SP110: variants seen among roughly 807,000 people sequenced by gnomAD.
SP110 encodes SP110 nuclear body protein.
In SP110, 62 loss-of-function variants were observed where a neutral mutation model predicts 92.7. The ratio of observed to expected loss-of-function variants is 0.67; its 90% CI spans 0.55 to 0.83. SP110 has a LOEUF of 0.83. Ranked by LOEUF, SP110 falls within the 40% of genes least tolerant of loss-of-function variation. SP110 has a pLI of 0.00. For synonymous variants in SP110, 273 were observed against 305.3 expected (o/e 0.89, Z 1.10); for missense variants, 793 against 863.9 (o/e 0.92, Z 1.03).
chr2:230,218,373 G>A (rs1234704313), intron 1 of SP110, among the ~76,000 whole-genome samples: 3 of 152,076 alleles, frequency 2.0e-5, no homozygotes, highest in East Asian at 3.8e-4. Flanking sequence ...ATCCGCAATC[G>A]CATAGGAAAA....
chr2:230,178,318 TC>T, intron 12 of SP110, 63 bp from the exon 13 acceptor site: 1 of 937,110 alleles, frequency 1.1e-6, no homozygotes. Context: ...TTTTGAATTC[TC>T]CCCTCCATGA....
At position 230,166,440 on chromosome 2, in the gene SP110, G is replaced by A. The variant is rs2078311814; in HGVS notation, c.*2684C>T. ...TTTTACAAGTTATTTTACCGAGGTA[G>A]GATAACCGTAAATCTGACTATGACA... is the stretch of plus-strand genomic sequence containing the variant. On this transcript the variant is annotated 3_prime_UTR_variant, in exon 19 of 19. Coordinates refer to ENST00000258381, the MANE Select transcript of SP110 (RefSeq NM_080424.4). Among the ~76,000 whole-genome samples the A allele has an allele frequency of 6.6e-6, 1 of 152,138 alleles. No individual in the cohort carries two copies. Among genetic ancestry groups the A allele is most frequent in the African/African-American group, 2.4e-5 (1 of 41,410 alleles).
chr2:230,206,055 G>A (rs1041267053), intron 8 of SP110, among the ~76,000 whole-genome samples: 11 of 152,220 alleles, frequency 7.2e-5, no homozygotes, highest in South Asian at 6.2e-4. Context: ...TTCTTAGAAT[G>A]GAATCATTTC....
At chr2:230,202,905 G>A (rs914655204) in intron 8 of SP110, 177 bp from the exon 9 acceptor site, 13 of 650,766 alleles carry the variant, frequency 2.0e-5, no homozygotes, top group Non-Finnish European at 3.3e-5. Flanking sequence ...CTTCTTATGT[G>A]TACCTTTCTT....
At chr2:230,175,003 C>T (rs909547984) in intron 14 of SP110, among the ~76,000 whole-genome samples, 1 of 151,982 alleles carries the variant, frequency 6.6e-6, no homozygotes, top group Admixed American at 6.6e-5. Context: ...GAGGGTATTA[C>T]CATGTTGGGG....
chr2:230,198,763 T>G (rs2042992187), intron 10 of SP110, among the ~76,000 whole-genome samples: 1 of 151,948 alleles, frequency 6.6e-6, no homozygotes. Context: ...CTCAGCTAAT[T>G]TTTTTTGTAT....
At chr2:230,209,359 G>C (rs1447680973) in intron 7 of SP110, among the ~76,000 whole-genome samples, 1 of 152,134 alleles carries the variant, frequency 6.6e-6, no homozygotes, top group Admixed American at 6.5e-5. Context: ...AGGCATCTAG[G>C]ATGATGCTGG....
intron 10 of SP110, among the ~76,000 whole-genome samples, chr2:230,190,163 CCCA>C (rs1169936901): frequency 2.0e-5 from 3 of 152,186 alleles, no homozygotes; most frequent in Non-Finnish European, 4.4e-5. Context: ...AATTTACACT[CCCA>C]CCAACAGTGT....
chr2:230,205,325 T>A (rs574187863), intron 8 of SP110, among the ~76,000 whole-genome samples: 1 of 152,296 alleles, frequency 6.6e-6, no homozygotes, highest in South Asian at 2.1e-4. Context: ...TCTTTCTTCA[T>A]CATCACCAAC....
chr2:230,171,863 C>T, intron 16 of SP110, 96 bp from the exon 17 acceptor site: 1 of 998,510 alleles, frequency 1.0e-6, no homozygotes, highest in Non-Finnish European at 1.6e-6. Context: ...GGCAGCCAAG[C>T]CCAGTCAGCA....
At chr2:230,171,050 A>G (rs1039608079) in intron 17 of SP110, 3 of 514,218 alleles carry the variant, frequency 5.8e-6, no homozygotes, top group Admixed American at 6.4e-5. Flanking sequence ...TCAGCAAGAA[A>G]GTGGTAGAGC....
At chr2:230,196,799 T>A (rs1241086563) in intron 10 of SP110, among the ~76,000 whole-genome samples, 1 of 152,088 alleles carries the variant, frequency 6.6e-6, no homozygotes, top group East Asian at 1.9e-4. Context: ...AGTGTTTGGT[T>A]TTTTGTCCTT....
chr2:230,221,577 C>A, upstream of SP110: 1 of 960,554 alleles, frequency 1.0e-6, no homozygotes, highest in Non-Finnish European at 1.6e-6. Context: ...AGGAAAAATT[C>A]AATGCTAACA....
intron 4 of SP110, 35 bp from the exon 5 acceptor site, chr2:230,212,465 G>A (rs1458277737): frequency 6.8e-7 from 1 of 1,476,768 alleles, no homozygotes. Context: ...CAGATTGCAG[G>A]GACTGGATGT....
At chr2:230,221,032 C>T (rs1220274562), upstream of SP110, among the ~76,000 whole-genome samples, 1 of 151,608 alleles carries the variant, frequency 6.6e-6, no homozygotes, top group East Asian at 1.9e-4. Context: ...CCTGTAATCC[C>T]AGCACTTTGG....
At chr2:230,171,103 T>A (rs1393261185) in intron 17 of SP110, among the ~76,000 whole-genome samples, 1 of 152,184 alleles carries the variant, frequency 6.6e-6, no homozygotes, top group Non-Finnish European at 1.5e-5. Flanking sequence ...GACTCTTTTT[T>A]TTCTTTTGAG....
intron 15 of SP110, 63 bp downstream of exon 15, chr2:230,172,781 G>T: frequency 8.9e-7 from 1 of 1,125,862 alleles, no homozygotes; most frequent in East Asian, 2.4e-5. Flanking sequence ...ACGCTCACAG[G>T]TCCTGCCCTT....
chr2:230,188,516 G>T (rs2042462723), intron 10 of SP110, among the ~76,000 whole-genome samples: 1 of 152,072 alleles, frequency 6.6e-6, no homozygotes, highest in Non-Finnish European at 1.5e-5. Flanking sequence ...AGGACTTCTA[G>T]TACTATGTTG....
rs2044490162 is a variant in SP110, at chr2:230,211,634, C to A, written c.668-81G>T. 1 of 889,992 alleles carries A rather than the reference C, an allele frequency of 1.1e-6. No individual in the cohort carries two copies. Among genetic ancestry groups the A allele is most frequent in the African/African-American group, 1.6e-5 (1 of 61,168 alleles). The allele number at this position is 889,992 out of a possible 1,614,324, so 55.1% of individuals were successfully genotyped here. ...TGAGGAGAAAAGAGAATGCTCTATTCCAACAAGTAAAAATGACGGGGTAAC... is the reference window on the plus strand; with the variant it reads ...TGAGGAGAAAAGAGAATGCTCTATTACAACAAGTAAAAATGACGGGGTAAC... On this transcript the variant is annotated intron_variant, in intron 5 of 18. Coordinates refer to ENST00000258381, the MANE Select transcript of SP110 (RefSeq NM_080424.4). This position sits in a 1 kb window ranked among gnomAD's most constrained non-coding sequence, Gnocchi z 4.2.
Sources: allele counts gnomAD v4.1 joint callset (sites outside exome capture counted in the v4.1 genomes callset), GRCh38; gene constraint gnomAD v4.1.1; non-coding constraint Gnocchi (gnomAD v3.1); transcripts MANE v1.5; gene names NCBI Gene and HGNC (gene_info 2026-07-23, HGNC 2026-07-21).